The following PRELID2 variants were observed in gnomAD, a reference collection of about 807,000 sequenced individuals.
PRELID2 encodes PRELI domain containing 2, also known as PRELI domain-containing protein 2.
A neutral mutation model predicts 28.4 loss-of-function variants in PRELID2; 25 were observed. The ratio of observed to expected loss-of-function variants is 0.88; its 90% CI spans 0.64 to 1.23. The LOEUF is 1.23. Ranked by LOEUF, PRELID2 falls within the 50% of genes most tolerant of loss-of-function variation. The pLI is 0.00. For missense variants in PRELID2, 201 were observed against 214.4 expected, an observed-to-expected ratio of 0.94 and a Z score of 0.39; for synonymous variants, 76 against 71.6, an observed-to-expected ratio of 1.06 and a Z score of -0.31.
chr5:145,514,815 C>G (rs555541872), intron 1 of PRELID2, among the ~76,000 whole-genome samples: 1 of 152,110 alleles, frequency 6.6e-6, no homozygotes, highest in Non-Finnish European at 1.5e-5. Context: ...AGTCTTAGAC[C>G]ACAGTGCAAT....
Position 145,727,406 on chromosome 5 carries a change from G to A in PRELID2, n.70+37525C>T, listed in dbSNP as rs1199366407. Among the ~76,000 whole-genome samples, 11 of 152,252 alleles carry A rather than the reference G, an allele frequency of 7.2e-5. No homozygotes were observed. In the East Asian group the frequency reaches 1.9e-3, roughly 27 times the overall value. On this transcript the variant is annotated intron_variant and non_coding_transcript_variant, in intron 1 of 2. Transcript: ENST00000510259. ...AGGCCATGAGGGGTTTTAGACCCTG[G>A]ACCCTGGACATGTTTCAAGACTCTT...
intron 5 of PRELID2, among the ~76,000 whole-genome samples, chr5:145,765,990 T>C (rs1377518064): frequency 1.3e-5 from 2 of 152,230 alleles, no homozygotes; most frequent in Non-Finnish European, 2.9e-5. Context: ...ATGTTCATTT[T>C]TCTACTGTCC....
At chr5:145,273,407 T>C in the PRELID2 span, among the ~76,000 whole-genome samples, 3 of 151,972 alleles carry the variant, frequency 2.0e-5, no homozygotes, top group Non-Finnish European at 2.9e-5. Flanking sequence ...GAAACTCCGA[T>C]GTAACCAAAT....
intron 1 of PRELID2, among the ~76,000 whole-genome samples, chr5:145,474,837 A>G (rs1325405473): frequency 6.6e-6 from 1 of 152,188 alleles, no homozygotes; most frequent in Non-Finnish European, 1.5e-5. Context: ...TGACAAAAAA[A>G]TAGTCTAGTG....
At chr5:145,833,051 G>C (rs1330117898) in intron 1 of PRELID2, among the ~76,000 whole-genome samples, 1 of 152,094 alleles carries the variant, frequency 6.6e-6, no homozygotes, top group East Asian at 1.9e-4. Flanking sequence ...ATGAGAACAG[G>C]GTCTGCGGTG....
the PRELID2 span, among the ~76,000 whole-genome samples, chr5:145,412,800 A>G: frequency 6.6e-6 from 1 of 152,200 alleles, no homozygotes; most frequent in African/African-American, 2.4e-5. Flanking sequence ...CAATTGACAC[A>G]CAGTTCTGTA....
At chr5:145,393,940 C>T in the PRELID2 span, among the ~76,000 whole-genome samples, 283 of 152,234 alleles carry the variant, frequency 1.9e-3, 6 homozygotes, top group East Asian at 0.042. Flanking sequence ...ATAATATTGT[C>T]TAAAATACTT....
At chr5:145,268,783 T>A in the PRELID2 span, among the ~76,000 whole-genome samples, 9 of 152,150 alleles carry the variant, frequency 5.9e-5, no homozygotes, top group Non-Finnish European at 1.3e-4. Flanking sequence ...TAATTGTGTA[T>A]GTAGAAAATA....
chr5:145,629,215 A>T (rs1753898722), intron 1 of PRELID2, among the ~76,000 whole-genome samples: 1 of 152,218 alleles, frequency 6.6e-6, no homozygotes, highest in Non-Finnish European at 1.5e-5. Flanking sequence ...TGGGCCCTAC[A>T]GGTCCTTGAA....
the PRELID2 span, among the ~76,000 whole-genome samples, chr5:145,333,841 T>A: frequency 6.8e-6 from 1 of 146,516 alleles, no homozygotes; most frequent in Non-Finnish European, 1.5e-5. Flanking sequence ...AAAAAACTCC[T>A]GCAGCTAGCT....
chr5:145,516,914 T>A (rs1245694300), intron 1 of PRELID2, among the ~76,000 whole-genome samples: 1 of 152,128 alleles, frequency 6.6e-6, no homozygotes, highest in Non-Finnish European at 1.5e-5. Flanking sequence ...ATAAATGGTG[T>A]TGGGAAAACT....
chr5:145,268,549 G>A, the PRELID2 span, among the ~76,000 whole-genome samples: 1 of 152,098 alleles, frequency 6.6e-6, no homozygotes, highest in South Asian at 2.1e-4. Context: ...AATCTTAGTT[G>A]TTTATTCATT....
intron 5 of PRELID2, among the ~76,000 whole-genome samples, chr5:145,783,766 T>C (rs1751797701): frequency 6.6e-6 from 1 of 152,234 alleles, no homozygotes; most frequent in Non-Finnish European, 1.5e-5. Context: ...ATAGTCAGTA[T>C]ACTATCACAC....
intron 1 of PRELID2, among the ~76,000 whole-genome samples, chr5:145,606,535 G>T (rs986574360): frequency 1.2e-4 from 18 of 151,990 alleles, no homozygotes; most frequent in Non-Finnish European, 2.2e-4. Context: ...TGTGGTTTTT[G>T]ATTTTAGTTC....
the PRELID2 span, among the ~76,000 whole-genome samples, chr5:145,400,143 T>C: frequency 2.8e-3 from 434 of 152,290 alleles, 1 homozygote; most frequent in Non-Finnish European, 4.5e-3. Flanking sequence ...TCAGTCATTA[T>C]GCAAGTGATG....
chr5:145,349,047 T>C, the PRELID2 span, among the ~76,000 whole-genome samples: 2 of 152,124 alleles, frequency 1.3e-5, no homozygotes, highest in Admixed American at 6.5e-5. Context: ...CATAGTGATA[T>C]ACGTATTTAT....
chr5:145,400,604 T>C, the PRELID2 span, among the ~76,000 whole-genome samples: 4 of 152,232 alleles, frequency 2.6e-5, no homozygotes, highest in East Asian at 1.9e-4. Context: ...ACATACATCA[T>C]TTTCCAGCAT....
intron 3 of PRELID2, chr5:145,819,461 A>G (rs765201951): frequency 2.0e-5 from 25 of 1,242,434 alleles, no homozygotes; most frequent in Non-Finnish European, 2.7e-5. Flanking sequence ...TTCATCATCA[A>G]TGATATTACT....
the PRELID2 span, among the ~76,000 whole-genome samples, chr5:145,374,044 T>A: frequency 6.6e-6 from 1 of 150,664 alleles, no homozygotes; most frequent in East Asian, 1.9e-4. Context: ...TCTGGTTATT[T>A]TTCACACTAG....
Sources: gnomAD v4.1 joint callset for allele counts (sites outside exome capture counted in the v4.1 genomes callset) on GRCh38, gnomAD v4.1.1 for gene constraint, MANE v1.5 for transcripts, NCBI Gene and HGNC (gene_info 2026-07-23, HGNC 2026-07-21) for gene names.